Variants in BID observed in about 807,000 individuals in gnomAD.
BID encodes BH3 interacting domain death agonist.
In BID, 19 loss-of-function variants were observed where a neutral mutation model predicts 17.4. The observed-to-expected ratio is 1.09, with a 90% CI of 0.76 to 1.60. BID has a LOEUF of 1.60. Ranked by LOEUF, BID falls within the 40% of genes most tolerant of loss-of-function variation. BID has a pLI of 0.00. For missense variants in BID, 226 were observed against 256.0 expected, an observed-to-expected ratio of 0.88 and a Z score of 0.80; for synonymous variants, 108 against 102.8, an observed-to-expected ratio of 1.05 and a Z score of -0.31.
At chr22:17,771,853 C>T (rs1297527547) in intron 1 of BID, among the ~76,000 whole-genome samples, 1 of 152,204 alleles carries the variant, frequency 6.6e-6, no homozygotes, top group African/African-American at 2.4e-5. Flanking sequence ...GGAAGCTTCC[C>T]CTTTCCCACA....
chr22:17,757,717 A>AG (rs1321214697), intron 1 of BID, among the ~76,000 whole-genome samples: 1 of 151,900 alleles, frequency 6.6e-6, no homozygotes, highest in Non-Finnish European at 1.5e-5. Context: ...TCAAAAAAAA[A>AG]AAAAAAAGAA....
At chr22:17,765,466 T>C (rs893807176) in intron 1 of BID, among the ~76,000 whole-genome samples, 1 of 152,214 alleles carries the variant, frequency 6.6e-6, no homozygotes, top group African/African-American at 2.4e-5. Context: ...CTCAACTCCA[T>C]TTAGTATCAG....
intron 1 of BID, among the ~76,000 whole-genome samples, chr22:17,771,256 C>T (rs536589299): frequency 6.6e-6 from 1 of 152,196 alleles, no homozygotes. Flanking sequence ...CCCCCCACCA[C>T]GCACAGCTAA....
At position 17,755,016 on chromosome 22, in the gene BID, C is replaced by T. The variant is rs551749109; in HGVS notation, c.-58-4842G>A. 1.2e-3 allele frequency among the ~76,000 whole-genome samples: 182 copies of T among 152,106 alleles called. 1 individual carries two copies. Among genetic ancestry groups the T allele is most frequent in the Non-Finnish European group, 1.9e-3 (132 of 67,992 alleles). ...CTGACTTCATGATCGCCCACCTTGG[C>T]CTCCCAAAATGCTGGGATTACAGGC... On this transcript the variant is annotated intron_variant, in intron 1 of 5. Coordinates refer to ENST00000622694, the MANE Select transcript of BID (RefSeq NM_001196.4).
At chr22:17,745,110 G>A (rs1195223490) in intron 2 of BID, among the ~76,000 whole-genome samples, 1 of 152,166 alleles carries the variant, frequency 6.6e-6, no homozygotes, top group African/African-American at 2.4e-5. Context: ...GAGTGCAGTG[G>A]TGTGATCTCG....
At chr22:17,750,081 C>A in intron 2 of BID, 24 bp downstream of exon 2, 3 of 1,610,554 alleles carry the variant, frequency 1.9e-6, no homozygotes, top group Non-Finnish European at 2.5e-6. Flanking sequence ...CCACAAGGCA[C>A]CCGCAGGGGA....
chr22:17,765,389 A>G (rs1041702863), intron 1 of BID, among the ~76,000 whole-genome samples: 1 of 152,140 alleles, frequency 6.6e-6, no homozygotes, highest in Non-Finnish European at 1.5e-5. Flanking sequence ...ACCCAGGTAT[A>G]CCTAGTAACC....
rs189354048 is a variant in BID, at chr22:17,753,918, T to C, written c.-58-3744A>G. Among the ~76,000 whole-genome samples, 37 of 150,012 alleles carry C rather than the reference T, an allele frequency of 2.5e-4. 1 individual carries two copies. Among genetic ancestry groups the C allele is most frequent in the Middle Eastern group, 7.0e-3 (2 of 286 alleles). On this transcript the variant is annotated intron_variant, in intron 1 of 5. Coordinates refer to ENST00000622694, the MANE Select transcript of BID (RefSeq NM_001196.4). ...CCCCAGTCTCCAGGACTCTGCCAGA[T>C]GGGGGTGACATTCCCCTAGTCTCCA...
At chr22:17,744,910 C>T (rs1387872395) in intron 2 of BID, among the ~76,000 whole-genome samples, 1 of 152,186 alleles carries the variant, frequency 6.6e-6, no homozygotes, top group Non-Finnish European at 1.5e-5. Context: ...ACAAAAAGAC[C>T]TCCTGGGCTG....
At chr22:17,770,403 C>T (rs1219095514) in intron 1 of BID, among the ~76,000 whole-genome samples, 1 of 152,156 alleles carries the variant, frequency 6.6e-6, no homozygotes, top group Non-Finnish European at 1.5e-5. Context: ...AGGGTTTTCC[C>T]TTCTCTTTGG....
At chr22:17,736,666 T>G (rs1246116241) in intron 5 of BID, among the ~76,000 whole-genome samples, 2 of 152,176 alleles carry the variant, frequency 1.3e-5, no homozygotes, top group Non-Finnish European at 2.9e-5. Context: ...TTGTTCAGGC[T>G]GGAGTGCAGT....
chr22:17,749,286 C>T (rs2061519188), intron 2 of BID, among the ~76,000 whole-genome samples: 1 of 152,228 alleles, frequency 6.6e-6, no homozygotes, highest in Admixed American at 6.5e-5. Flanking sequence ...GACAAGGAAG[C>T]ATCCAGGGAG....
At chr22:17,754,612 A>C (rs1206258202) in intron 1 of BID, among the ~76,000 whole-genome samples, 1 of 152,280 alleles carries the variant, frequency 6.6e-6, no homozygotes, top group Non-Finnish European at 1.5e-5. Context: ...GGACAAGCAC[A>C]GCACACAGGT....
At chr22:17,772,572 C>T (rs934634888) in intron 1 of BID, among the ~76,000 whole-genome samples, 3 of 152,202 alleles carry the variant, frequency 2.0e-5, no homozygotes, top group Admixed American at 1.3e-4. Context: ...CACTTGGCAC[C>T]GGAGAGAGGA....
intron 4 of BID, 49 bp from the exon 5 acceptor site, chr22:17,738,278 CAAAGG>C (rs764000332): frequency 1.3e-6 from 2 of 1,541,288 alleles, no homozygotes; most frequent in South Asian, 2.2e-5. Context: ...TCTTCCCTCT[CAAAGG>C]AAAGACAGTC....
chr22:17,766,296 T>G (rs1485618599), intron 1 of BID, among the ~76,000 whole-genome samples: 3 of 150,980 alleles, frequency 2.0e-5, no homozygotes. Context: ...TTTTTTTTTT[T>G]TTTGAGATGG....
In BID at chr22:17,738,231, T is replaced by C. The variant is rs112498689; in HGVS notation, c.364-2A>G. 1.2e-6 allele frequency: 2 copies of C among 1,608,962 alleles called. No homozygotes were observed. Among genetic ancestry groups the C allele is most frequent in the African/African-American group, 1.3e-5 (1 of 74,858 alleles). ...AGTGGCCAGGTCCCTGTTCCGGTCC[T>C]GCACAGAGGGGCACACAGAACCTGG... On this transcript the variant is annotated splice_acceptor_variant, in intron 4 of 5. Transcript: ENST00000622694. LOFTEE classifies it high-confidence loss of function.
At chr22:17,772,767 G>A (rs886200845) in intron 1 of BID, among the ~76,000 whole-genome samples, 1 of 152,102 alleles carries the variant, frequency 6.6e-6, no homozygotes, top group African/African-American at 2.4e-5. Context: ...CGTCAGCCGA[G>A]CCTGTGAGCA....
chr22:17,761,401 T>G (rs2061637343), intron 1 of BID, among the ~76,000 whole-genome samples: 1 of 151,634 alleles, frequency 6.6e-6, no homozygotes, highest in Non-Finnish European at 1.5e-5. Context: ...CCAGGTGCAT[T>G]ACACAGAAAG....
Sources: allele counts gnomAD v4.1 joint callset (sites outside exome capture counted in the v4.1 genomes callset), GRCh38; gene constraint gnomAD v4.1.1; transcripts MANE v1.5; gene names NCBI Gene and HGNC (gene_info 2026-07-23, HGNC 2026-07-21).